AUTS2: variants seen among roughly 807,000 people sequenced by gnomAD.
AUTS2 encodes the protein activator of transcription and developmental regulator AUTS2.
A neutral mutation model predicts 112.4 loss-of-function variants in AUTS2; 17 were observed. The observed-to-expected ratio is 0.15, with a 90% CI of 0.10 to 0.23. The LOEUF (loss-of-function observed/expected upper bound fraction) is 0.23. Ranked by LOEUF, AUTS2 falls within the 10% of genes least tolerant of loss-of-function variation. The pLI, the probability that AUTS2 is intolerant of heterozygous loss-of-function variation, is 1.00. For missense variants in AUTS2, 1,510 were observed against 1,701.6 expected (o/e 0.89, Z 1.98); for synonymous variants, 751 against 702.7 (o/e 1.07, Z -1.09).
At chr7:69,671,185 C>T (rs1349003115) in intron 1 of AUTS2, among the ~76,000 whole-genome samples, 2 of 152,172 alleles carry the variant, frequency 1.3e-5, no homozygotes, top group African/African-American at 4.8e-5. Context: ...CTACCACCTT[C>T]TTAATGTGTC....
At chr7:70,208,623 G>A (rs1810700047) in intron 4 of AUTS2, among the ~76,000 whole-genome samples, 1 of 151,888 alleles carries the variant, frequency 6.6e-6, no homozygotes, top group African/African-American at 2.4e-5. Flanking sequence ...AACATTCCAG[G>A]GTAAGAAAAT....
At chr7:70,585,820 C>A (rs2129527710) in intron 5 of AUTS2, among the ~76,000 whole-genome samples, 1 of 151,680 alleles carries the variant, frequency 6.6e-6, no homozygotes, top group East Asian at 1.9e-4. Context: ...TGGGACAAAA[C>A]CAATGAAATA....
chr7:69,721,537 T>C (rs1394527018), intron 1 of AUTS2, among the ~76,000 whole-genome samples: 1 of 152,220 alleles, frequency 6.6e-6, no homozygotes, highest in Non-Finnish European at 1.5e-5. Context: ...ACCTAATTTA[T>C]ATAAAAATTT....
At chr7:70,027,507 C>A (rs1046367359) in intron 2 of AUTS2, among the ~76,000 whole-genome samples, 5 of 152,326 alleles carry the variant, frequency 3.3e-5, no homozygotes, top group Admixed American at 3.3e-4. Context: ...CCAGCAGCAG[C>A]AGCATCACCT....
chr7:69,727,545 G>A (rs907723112), intron 1 of AUTS2, among the ~76,000 whole-genome samples: 11 of 152,068 alleles, frequency 7.2e-5, no homozygotes, highest in African/African-American at 2.4e-4. Flanking sequence ...AGCTGAGATC[G>A]CGCCACTGCA....
intron 2 of AUTS2, among the ~76,000 whole-genome samples, chr7:70,056,412 G>A (rs981291556): frequency 2.0e-5 from 3 of 152,096 alleles, no homozygotes; most frequent in Non-Finnish European, 4.4e-5. Flanking sequence ...CCTTCACCCT[G>A]TTTACTCCCT....
At chr7:70,624,050 C>T (rs970407878) in intron 5 of AUTS2, among the ~76,000 whole-genome samples, 18 of 152,320 alleles carry the variant, frequency 1.2e-4, no homozygotes, top group African/African-American at 3.6e-4. Flanking sequence ...ATAGCATTAG[C>T]GTATCTTCCT....
At chr7:69,638,812 G>A (rs1406290137) in intron 1 of AUTS2, among the ~76,000 whole-genome samples, 3 of 152,200 alleles carry the variant, frequency 2.0e-5, no homozygotes, top group East Asian at 1.9e-4. Context: ...AGGAATTGAG[G>A]AGGAGCAAAG....
intron 1 of AUTS2, among the ~76,000 whole-genome samples, chr7:69,672,016 AG>A (rs1483464471): frequency 6.6e-6 from 1 of 151,768 alleles, no homozygotes; most frequent in Non-Finnish European, 1.5e-5. Flanking sequence ...TCCCATATTC[AG>A]CTTCCCAGAG....
chr7:69,614,368 T>TC (rs1474509971), intron 1 of AUTS2, among the ~76,000 whole-genome samples: 2,745 of 19,490 alleles, frequency 0.14, 260 homozygotes, highest in East Asian at 0.19. Context: ...TTCTTTCTTT[T>TC]TTTAAGAGAT....
chr7:70,496,815 A>C (rs1157468586), intron 5 of AUTS2, among the ~76,000 whole-genome samples: 4 of 130,068 alleles, frequency 3.1e-5, no homozygotes, highest in Non-Finnish European at 4.8e-5. Flanking sequence ...TGCACACGTC[A>C]CATCAGCATC....
In AUTS2 at chr7:70,764,985, C is replaced by G. The variant is rs369919917; in HGVS notation, c.1448C>G (p.Pro483Arg). 10 of 1,613,776 alleles carry G rather than the reference C, an allele frequency of 6.2e-6. No individual in the cohort carries two copies. The highest frequency in any genetic ancestry group is 5.0e-5 in the Admixed American group (3 of 59,998). The change falls in exon 8 of 19, where the codon CCG becomes CGG. Residue 483 changes from proline to arginine, a missense_variant. Around this residue, in one of 3 missense-constraint regions of AUTS2, gnomAD observed 187 missense variants for 309.7 expected, o/e 0.60. Coordinates refer to ENST00000342771, the MANE Select transcript of AUTS2 (RefSeq NM_015570.4). The stretch of plus-strand genomic sequence containing the variant: ...GGAAGTCTGCAGGTGGCCGGACACC[C>G]GGCCGGGAGCACTTACTCAGGTAGG... ...TSGSLQVAGHPAGSTYSEQDI... is the reference protein window; with the variant it reads ...TSGSLQVAGHRAGSTYSEQDI...
chr7:70,278,750 A>C (rs1258997875), intron 4 of AUTS2, among the ~76,000 whole-genome samples: 1 of 152,214 alleles, frequency 6.6e-6, no homozygotes, highest in Non-Finnish European at 1.5e-5. Flanking sequence ...AAACCTTAGG[A>C]ATTTCTCAGA....
At chr7:69,739,319 A>G (rs578192788) in intron 1 of AUTS2, among the ~76,000 whole-genome samples, 1 of 152,326 alleles carries the variant, frequency 6.6e-6, no homozygotes, top group South Asian at 2.1e-4. Context: ...ATTACTAATA[A>G]CTGAACTTCT....
intron 1 of AUTS2, among the ~76,000 whole-genome samples, chr7:69,636,471 G>A (rs1794527695): frequency 1.3e-5 from 1 of 75,474 alleles, no homozygotes; most frequent in African/African-American, 5.5e-5. Flanking sequence ...CTGACCTCAA[G>A]TGATCCGCGC....
chr7:70,537,024 C>G (rs1800352500), intron 5 of AUTS2, among the ~76,000 whole-genome samples: 2 of 152,212 alleles, frequency 1.3e-5, no homozygotes, highest in African/African-American at 4.8e-5. Flanking sequence ...CCCCACTCCA[C>G]AACACATCCT....
intron 2 of AUTS2, among the ~76,000 whole-genome samples, chr7:69,925,075 A>G (rs1391908455): frequency 6.6e-6 from 1 of 152,166 alleles, no homozygotes; most frequent in East Asian, 1.9e-4. Context: ...TAAAATTCAT[A>G]TAATATTCCT....
intron 4 of AUTS2, among the ~76,000 whole-genome samples, chr7:70,322,539 C>T (rs894774203): frequency 6.6e-6 from 1 of 152,152 alleles, no homozygotes; most frequent in Non-Finnish European, 1.5e-5. Flanking sequence ...AGAAAGATGG[C>T]TTTGGTGATA....
At position 70,787,271 on chromosome 7, in the gene AUTS2, G is replaced by C. The variant is rs1479195481; in HGVS notation, c.2371G>C (p.Glu791Gln). 1 of 1,614,028 alleles carries C rather than the reference G, an allele frequency of 6.2e-7. No individual in the cohort carries two copies. The highest frequency in any genetic ancestry group is 8.5e-7 in the Non-Finnish European group (1 of 1,180,028). ...TGTGCAGAACTTTAGCAACCCTCAC[G>C]AACCCTGGAACCGGCTGCACCGAAC... ...PSVQNFSNPH[E>Q]PWNRLHRTPP... Residue 791 changes from glutamate (E) to glutamine (Q), a missense_variant, in exon 18 of 19, where the codon GAA becomes CAA. Physicochemically the swap from Glu to Gln is conservative, Grantham distance 29. This residue lies in a region of AUTS2 where 788 missense variants were observed against 797.6 expected (regional missense o/e 0.99). Coordinates refer to ENST00000342771, the MANE Select transcript of AUTS2 (RefSeq NM_015570.4).
Sources: gnomAD v4.1 joint callset for allele counts (sites outside exome capture counted in the v4.1 genomes callset) on GRCh38, gnomAD v4.1.1 for gene constraint, gnomAD v4.1.1 regional missense constraint, MANE v1.5 for transcripts, NCBI Gene and HGNC (gene_info 2026-07-23, HGNC 2026-07-21) for gene names.